Variants in KDM2B observed in about 807,000 individuals in gnomAD.
KDM2B encodes the protein lysine-specific demethylase 2B.
In KDM2B, 26 loss-of-function variants were observed where a neutral mutation model predicts 150.0. That is an observed-to-expected ratio of 0.17 (90% CI 0.13 to 0.24). The LOEUF (loss-of-function observed/expected upper bound fraction) is 0.24. Ranked by LOEUF, KDM2B falls within the 10% of genes least tolerant of loss-of-function variation. KDM2B has a pLI of 1.00. For synonymous variants in KDM2B, 734 were observed against 729.5 expected (o/e 1.01, Z -0.10); for missense variants, 1,265 against 1,816.9 (o/e 0.70, Z 5.52).
intron 12 of KDM2B, among the ~76,000 whole-genome samples, chr12:121,489,563 C>T (rs1048361800): frequency 2.6e-5 from 4 of 152,318 alleles, no homozygotes; most frequent in Non-Finnish European, 5.9e-5. Flanking sequence ...CCTCAGCCTC[C>T]CAAGTATCTG....
the KDM2B span, chr12:121,420,865 T>C: frequency 1.0e-6 from 1 of 996,806 alleles, no homozygotes; most frequent in South Asian, 1.4e-5. Context: ...TAAGTCAAAT[T>C]TATTTTTGAG....
At chr12:121,505,277 T>C (rs1188131875) in intron 11 of KDM2B, among the ~76,000 whole-genome samples, 12 of 143,270 alleles carry the variant, frequency 8.4e-5, no homozygotes, top group African/African-American at 2.3e-4. Context: ...CAGAGTGAGA[T>C]TGCATCTCAA....
chr12:121,536,033 T>C (rs1888065025), intron 6 of KDM2B: 2 of 985,502 alleles, frequency 2.0e-6, no homozygotes, highest in South Asian at 9.4e-5. Context: ...TTTTCCCCGC[T>C]GCACTTTGCC....
chr12:121,459,960 G>A (rs1024531684), intron 12 of KDM2B, among the ~76,000 whole-genome samples: 4 of 152,080 alleles, frequency 2.6e-5, no homozygotes, highest in African/African-American at 7.2e-5. Flanking sequence ...AAAGAACTCC[G>A]ACAACTCAAT....
At chr12:121,455,923 T>C (rs1174982670) in intron 12 of KDM2B, among the ~76,000 whole-genome samples, 1 of 152,204 alleles carries the variant, frequency 6.6e-6, no homozygotes, top group African/African-American at 2.4e-5. Context: ...ACTGTGAACC[T>C]GAAGCTGAGC....
chr12:121,555,378 A>T (rs1288772753), intron 4 of KDM2B, among the ~76,000 whole-genome samples: 2 of 152,062 alleles, frequency 1.3e-5, no homozygotes, highest in African/African-American at 2.4e-5. Context: ...GGGTAATTTT[A>T]TTTTTTTCTT....
At chr12:121,431,879 CTTTTTTTTT>C (rs77237915) in intron 22 of KDM2B, among the ~76,000 whole-genome samples, 5 of 122,394 alleles carry the variant, frequency 4.1e-5, no homozygotes, top group East Asian at 2.3e-4. Flanking sequence ...TTTCTTTTTT[CTTTTTTTTT>C]TTTTTTTTGG....
At chr12:121,579,617 G>C in intron 1 of KDM2B, 2 of 1,313,822 alleles carry the variant, frequency 1.5e-6, no homozygotes, top group Non-Finnish European at 2.0e-6. Context: ...CGCACCAGCA[G>C]CTGCCTCATC....
intron 4 of KDM2B, among the ~76,000 whole-genome samples, chr12:121,553,510 T>C (rs1889672900): frequency 6.6e-6 from 1 of 152,202 alleles, no homozygotes; most frequent in Non-Finnish European, 1.5e-5. Flanking sequence ...GCCTCCAGCC[T>C]GTGCCTCGGG....
chr12:121,485,819 C>A (rs904131583), intron 12 of KDM2B, among the ~76,000 whole-genome samples: 27 of 151,734 alleles, frequency 1.8e-4, no homozygotes, highest in Non-Finnish European at 3.5e-4. Context: ...CTTTGTCACC[C>A]AGGTTGGAGT....
intron 12 of KDM2B, among the ~76,000 whole-genome samples, chr12:121,465,337 G>A (rs1360207091): frequency 6.6e-6 from 1 of 152,130 alleles, no homozygotes; most frequent in Admixed American, 6.5e-5. Context: ...GGGTTCAAGC[G>A]ATTCTCCTGC....
chr12:121,446,987 C>T (rs1555290480), intron 13 of KDM2B, among the ~76,000 whole-genome samples: 1 of 152,112 alleles, frequency 6.6e-6, no homozygotes, highest in Non-Finnish European at 1.5e-5. Context: ...TCAAGACAGG[C>T]TAATGATTTT....
At chr12:121,457,747 C>T (rs1878491420) in intron 12 of KDM2B, among the ~76,000 whole-genome samples, 1 of 140,122 alleles carries the variant, frequency 7.1e-6, no homozygotes, top group African/African-American at 3.1e-5. Flanking sequence ...CATACACACA[C>T]ACACACACAC....
At chr12:121,510,482 T>C (rs570162919) in intron 10 of KDM2B, among the ~76,000 whole-genome samples, 1 of 152,260 alleles carries the variant, frequency 6.6e-6, no homozygotes, top group South Asian at 2.1e-4. Flanking sequence ...ATCTGGCACT[T>C]TACTTTTTAA....
intron 12 of KDM2B, among the ~76,000 whole-genome samples, chr12:121,479,652 T>C (rs1881855854): frequency 6.6e-6 from 1 of 151,732 alleles, no homozygotes; most frequent in South Asian, 2.1e-4. Flanking sequence ...GACGGAGTCT[T>C]GCTCTGTTGC....
rs1555288673 is a variant in KDM2B, at chr12:121,442,458, G to A, written c.2983C>T (p.His995Tyr). Reference protein sequence around the residue: ...KRPPGICERPHRFSKGLNGTP... With the variant: ...KRPPGICERPYRFSKGLNGTP... The stretch of plus-strand genomic sequence containing the variant: ...CCGTTGAGCCCCTTGCTGAAGCGGT[G>A]GGGACGCTCGCAGATGCCCGGGGGC... Residue 995 changes from histidine to tyrosine, a missense_variant, in exon 19 of 23, where the codon CAC becomes TAC. His to Tyr is a moderately conservative substitution (Grantham distance 83). Transcript: ENST00000377071. The surrounding 1 kb of genome is among the most constrained non-coding windows in gnomAD (Gnocchi z 7.7). 4.4e-6 allele frequency: 7 copies of A among 1,599,706 alleles called. No individual in the cohort carries two copies. Among genetic ancestry groups the A allele is most frequent in the Middle Eastern group, 1.7e-4 (1 of 6,044 alleles).
At position 121,521,689 on chromosome 12, in the gene KDM2B, CT is replaced by C. The variant is rs1886702490; in HGVS notation, c.932-590del. On this transcript the variant is annotated intron_variant, in intron 8 of 22. Coordinates refer to ENST00000377071, the MANE Select transcript of KDM2B (RefSeq NM_032590.5). The surrounding 1 kb of genome is among the most constrained non-coding windows in gnomAD (Gnocchi z 4.9). ...CAACGCCTGCATGCCCCCCTCAGCT[CT>C]GCCCTCCACTCTGCCCCACAGGCTG... 6.6e-6 allele frequency among the ~76,000 whole-genome samples: 1 copy of C among 152,176 alleles called. No individual in the cohort carries two copies. Among genetic ancestry groups the C allele is most frequent in the Non-Finnish European group, 1.5e-5 (1 of 68,044 alleles).
intron 11 of KDM2B, among the ~76,000 whole-genome samples, chr12:121,496,121 G>A (rs1555300930): frequency 6.6e-6 from 1 of 152,026 alleles, no homozygotes; most frequent in African/African-American, 2.4e-5. Flanking sequence ...CAGGATTTTA[G>A]TGCTACCCCA....
intron 1 of KDM2B, chr12:121,580,119 A>C: frequency 2.5e-6 from 4 of 1,575,616 alleles, no homozygotes; most frequent in Non-Finnish European, 3.4e-6. Flanking sequence ...CGAGGGGGGA[A>C]GGAGGGAAGA....
Sources: allele counts gnomAD v4.1 joint callset (sites outside exome capture counted in the v4.1 genomes callset), GRCh38; gene constraint gnomAD v4.1.1; non-coding constraint Gnocchi (gnomAD v3.1); transcripts MANE v1.5; gene names NCBI Gene and HGNC (gene_info 2026-07-23, HGNC 2026-07-21).